The following ANKRD18A variants were observed in gnomAD, a reference collection of about 807,000 sequenced individuals.
The protein encoded by ANKRD18A is ankyrin repeat domain 18A.
A neutral mutation model predicts 110.6 loss-of-function variants in ANKRD18A; 72 were observed. The ratio of observed to expected loss-of-function variants is 0.65; its 90% CI spans 0.54 to 0.79. The LOEUF (loss-of-function observed/expected upper bound fraction) is 0.79. Ranked by LOEUF, ANKRD18A falls within the 30% of genes least tolerant of loss-of-function variation. The probability of loss-of-function intolerance (pLI) is 0.00; values close to 1 mark genes in which losing one functional copy is unlikely to be tolerated. For synonymous variants in ANKRD18A, 305 were observed against 410.3 expected (o/e 0.74, Z 3.10); for missense variants, 934 against 1,163.3 (o/e 0.80, Z 2.87).
chr9:38,619,380 A>G (rs1354516407), intron 1 of ANKRD18A, among the ~76,000 whole-genome samples: 1 of 152,102 alleles, frequency 6.6e-6, no homozygotes, highest in African/African-American at 2.4e-5. Flanking sequence ...TCTTACATAT[A>G]TTTCAGTGTT....
chr9:38,612,521 CT>C lies in ANKRD18A; in HGVS notation c.496-1201del, dbSNP rs767816627. ...AAGTCACTTGCATTTTTTTCTTTTTCTTTTTTTTTTTTTGGAAATGGGGTCT... is the reference window on the plus strand; with the variant it reads ...AAGTCACTTGCATTTTTTTCTTTTTCTTTTTTTTTTTTGGAAATGGGGTCT... On this transcript the variant is annotated intron_variant, in intron 3 of 15. Coordinates refer to ENST00000399703, the MANE Select transcript of ANKRD18A (RefSeq NM_147195.4). Among the ~76,000 whole-genome samples, 286 of 124,186 alleles carry C rather than the reference CT, an allele frequency of 2.3e-3. 5 individuals are homozygous for C. Among genetic ancestry groups the C allele is most frequent in the Middle Eastern group, 4.5e-3 (1 of 224 alleles). The allele number at this position is 124,186 out of a possible 152,430, so 81.5% of individuals were successfully genotyped here.
At chr9:38,616,387 T>C (rs1441988417) in intron 1 of ANKRD18A, among the ~76,000 whole-genome samples, 1 of 152,254 alleles carries the variant, frequency 6.6e-6, no homozygotes, top group Admixed American at 6.5e-5. Context: ...ACCACTGTGA[T>C]GCTTAAATGA....
In ANKRD18A at chr9:38,601,180, G is replaced by A; in HGVS notation, c.887C>T (p.Ser296Leu). ...TTGGAGCCTTTCTTGCTTTTCCTCT[G>A]AAGCCACTTTTAGGTTGTGTTCTGC... Reference protein sequence around the residue: ...AKAEHNLKVASEEKQERLQRS... With the variant: ...AKAEHNLKVALEEKQERLQRS... Residue 296 changes from serine to leucine, a missense_variant, in exon 8 of 16, where the codon TCA (serine) becomes TTA (leucine). Coordinates refer to ENST00000399703, the MANE Select transcript of ANKRD18A (RefSeq NM_147195.4). 1 of 1,559,914 alleles carries A rather than the reference G, an allele frequency of 6.4e-7. No homozygotes were observed. The highest frequency in any genetic ancestry group is 8.7e-7 in the Non-Finnish European group (1 of 1,151,044).
At chr9:38,572,093 C>T in intron 15 of ANKRD18A, 34 bp from the exon 16 acceptor site, 1 of 1,484,290 alleles carries the variant, frequency 6.7e-7, no homozygotes, top group Non-Finnish European at 9.1e-7. Flanking sequence ...TGTTCTTTAC[C>T]TAAAACATTT....
At chr9:38,610,857 T>TATA (rs55823641) in intron 4 of ANKRD18A, among the ~76,000 whole-genome samples, 6,479 of 133,786 alleles carry the variant, frequency 0.048, 763 homozygotes, top group African/African-American at 0.18. Context: ...CAGCAACAAC[T>TATA]ATAATAATAA....
intron 7 of ANKRD18A, among the ~76,000 whole-genome samples, chr9:38,601,743 C>A (rs1207500734): frequency 6.6e-6 from 1 of 152,060 alleles, no homozygotes; most frequent in Non-Finnish European, 1.5e-5. Flanking sequence ...GTAATCCCAG[C>A]ACTTTGGAAG....
At chr9:38,590,209 TTTC>T (rs1401992122) in intron 10 of ANKRD18A, among the ~76,000 whole-genome samples, 1 of 151,852 alleles carries the variant, frequency 6.6e-6, no homozygotes, top group African/African-American at 2.4e-5. Context: ...CCTCTCTCTC[TTTC>T]TTCTTTTTTG....
intron 10 of ANKRD18A, among the ~76,000 whole-genome samples, chr9:38,593,481 G>A (rs923478071): frequency 7.2e-5 from 11 of 152,102 alleles, no homozygotes; most frequent in African/African-American, 2.4e-4. Context: ...TAAAAATACT[G>A]TTTAACGGGA....
intron 12 of ANKRD18A, among the ~76,000 whole-genome samples, chr9:38,580,065 C>A (rs1824088921): frequency 1.3e-5 from 2 of 152,144 alleles, no homozygotes; most frequent in African/African-American, 2.4e-5. Context: ...AGTGCAGACA[C>A]AGAAAGATAA....
intron 3 of ANKRD18A, 101 bp from the exon 4 acceptor site, chr9:38,611,422 A>G (rs1278395150): frequency 6.7e-7 from 1 of 1,492,712 alleles, no homozygotes; most frequent in Non-Finnish European, 8.9e-7. Flanking sequence ...CATGCAATAT[A>G]GAGAGAAAGT....
chr9:38,614,356 C>A (rs1320715288), intron 3 of ANKRD18A, among the ~76,000 whole-genome samples: 3 of 151,514 alleles, frequency 2.0e-5, no homozygotes, highest in African/African-American at 7.3e-5. Flanking sequence ...CTGCCCGCCT[C>A]AGGCTGGACT....
At position 38,588,429 on chromosome 9, in the gene ANKRD18A, G is replaced by T. The variant is rs184843952; in HGVS notation, c.2117+122C>A. On this transcript the variant is annotated intron_variant, in intron 11 of 15. Transcript: ENST00000399703. ...AGTTTCTGAAATACATTTTAAAACA[G>T]AATTCATTTAATTATGAAAATGAAG... The T allele has an allele frequency of 4.3e-5, 27 of 634,878 alleles. No homozygotes were observed. The Admixed American group carries it at 6.7e-4, about 16-fold the overall frequency. 39.3% of individuals were successfully genotyped at this position (634,878 alleles called of 1,614,324 possible).
chr9:38,582,834 A>G (rs1418293532), intron 12 of ANKRD18A, among the ~76,000 whole-genome samples: 3 of 152,242 alleles, frequency 2.0e-5, no homozygotes, highest in Non-Finnish European at 2.9e-5. Flanking sequence ...TTCAAAATTG[A>G]AAACTGCTGT....
At chr9:38,574,174 G>A (rs553452584) in intron 15 of ANKRD18A, among the ~76,000 whole-genome samples, 22 of 152,264 alleles carry the variant, frequency 1.4e-4, no homozygotes, top group African/African-American at 2.6e-4. Flanking sequence ...CTGTTTCTGC[G>A]TTAGTTTCCT....
At chr9:38,609,417 C>T (rs1333383817) in intron 5 of ANKRD18A, among the ~76,000 whole-genome samples, 2 of 149,536 alleles carry the variant, frequency 1.3e-5, no homozygotes, top group Admixed American at 1.3e-4. Flanking sequence ...GGAAGGGGAG[C>T]TTGCAGTGAG....
chr9:38,593,856 T>A lies in ANKRD18A; in HGVS notation c.1908A>T (p.Ser636=). The part of the protein sequence containing the change: ...EELVDHLKTF[S]ISESPLEGTS... ...TACCTTCCAGTGGAGACTCTGATAT[T>A]GAAAATGTTTTAAGGTGATCGACCA... The change falls in exon 10 of 16, where the codon TCA becomes TCT. Residue 636 remains serine, a synonymous_variant. Coordinates refer to ENST00000399703, the MANE Select transcript of ANKRD18A (RefSeq NM_147195.4). 1 of 1,539,668 alleles carries A rather than the reference T, an allele frequency of 6.5e-7. No individual in the cohort carries two copies. Among genetic ancestry groups the A allele is most frequent in the Non-Finnish European group, 8.8e-7 (1 of 1,142,208 alleles).
chr9:38,590,113 G>T (rs558044956), intron 10 of ANKRD18A, among the ~76,000 whole-genome samples: 4 of 151,990 alleles, frequency 2.6e-5, no homozygotes, highest in Admixed American at 2.6e-4. Context: ...TCACCCTTAG[G>T]ATATTCACCA....
In ANKRD18A at chr9:38,575,588, A is replaced by G. The variant is rs1823850283; in HGVS notation, c.2852T>C (p.Val951Ala). 5 of 1,551,624 alleles carry G rather than the reference A, an allele frequency of 3.2e-6. No individual in the cohort carries two copies. The South Asian group carries it at 3.6e-5, about 11-fold the overall frequency. The change falls in exon 15 of 16, where the codon GTT becomes GCT. Residue 951 changes from valine (V) to alanine (A), a missense_variant. Coordinates refer to ENST00000399703, the MANE Select transcript of ANKRD18A (RefSeq NM_147195.4). ...GAGTTCTATACTATTAAGATTTTCA[A>G]CACAAGGTAACTCTGGTTCTGGCCT... is the stretch of plus-strand genomic sequence containing the variant. The part of the protein sequence containing the change: ...PTRPEPELPC[V>A]ENLNSIELNR...
chr9:38,573,149 A>G, intron 15 of ANKRD18A: 1 of 1,139,022 alleles, frequency 8.8e-7, no homozygotes, highest in Non-Finnish European at 1.2e-6. Context: ...GTAAATAATA[A>G]TAATAATAAT....
Sources: allele counts gnomAD v4.1 joint callset (sites outside exome capture counted in the v4.1 genomes callset), GRCh38; gene constraint gnomAD v4.1.1; transcripts MANE v1.5; gene names NCBI Gene and HGNC (gene_info 2026-07-23, HGNC 2026-07-21).